TMEM163: variants seen among roughly 807,000 people sequenced by gnomAD.
TMEM163 encodes the protein transmembrane protein 163.
In TMEM163, 17 loss-of-function variants were observed where a neutral mutation model predicts 29.3. That is an observed-to-expected ratio of 0.58 (90% CI 0.40 to 0.87). The LOEUF is 0.87. Ranked by LOEUF, TMEM163 falls within the 40% of genes least tolerant of loss-of-function variation. The pLI is 0.00. For missense variants in TMEM163, 303 were observed against 381.5 expected (o/e 0.79, Z 1.71); for synonymous variants, 157 against 160.6 (o/e 0.98, Z 0.17).
At chr2:134,590,987 G>C (rs1681923699) in intron 2 of TMEM163, among the ~76,000 whole-genome samples, 1 of 152,186 alleles carries the variant, frequency 6.6e-6, no homozygotes, top group South Asian at 2.1e-4. Flanking sequence ...GCAATGGAAA[G>C]TTCCATTCCC....
intron 2 of TMEM163, among the ~76,000 whole-genome samples, chr2:134,695,951 T>A (rs887005791): frequency 6.0e-5 from 9 of 151,096 alleles, no homozygotes; most frequent in African/African-American, 2.2e-4. Flanking sequence ...ATCAGGAGGC[T>A]GAGGTAGGAG....
At chr2:134,558,367 T>C (rs764939719) in intron 2 of TMEM163, among the ~76,000 whole-genome samples, 3 of 152,132 alleles carry the variant, frequency 2.0e-5, no homozygotes, top group Non-Finnish European at 2.9e-5. Context: ...AAAGGGGTAA[T>C]AACAGCTACT....
chr2:134,588,643 G>C (rs944490189), intron 2 of TMEM163, among the ~76,000 whole-genome samples: 2 of 152,118 alleles, frequency 1.3e-5, no homozygotes, highest in Admixed American at 6.5e-5. Context: ...TCTATACAAA[G>C]AACAAATGCT....
intron 4 of TMEM163, among the ~76,000 whole-genome samples, chr2:134,550,051 T>C (rs1472684132): frequency 6.6e-6 from 1 of 152,170 alleles, no homozygotes; most frequent in East Asian, 1.9e-4. Flanking sequence ...GAGATGGAAG[T>C]TGGAAAAGAC....
chr2:134,575,530 G>C (rs1194052058), intron 2 of TMEM163, among the ~76,000 whole-genome samples: 2 of 152,134 alleles, frequency 1.3e-5, no homozygotes, highest in African/African-American at 4.8e-5. Context: ...ACACACACAG[G>C]GTTCTCATTG....
intron 5 of TMEM163, among the ~76,000 whole-genome samples, chr2:134,470,623 T>G (rs1488297162): frequency 6.6e-6 from 1 of 152,132 alleles, no homozygotes; most frequent in East Asian, 1.9e-4. Flanking sequence ...AGGCTGCAGC[T>G]CACCACTGCT....
chr2:134,508,659 G>C (rs968979881), intron 4 of TMEM163, among the ~76,000 whole-genome samples: 6 of 151,996 alleles, frequency 3.9e-5, no homozygotes, highest in African/African-American at 1.4e-4. Context: ...CCCTCAATCC[G>C]TCACTATCAA....
intron 4 of TMEM163, among the ~76,000 whole-genome samples, chr2:134,532,261 A>T (rs1447478438): frequency 6.6e-6 from 1 of 152,224 alleles, no homozygotes; most frequent in Non-Finnish European, 1.5e-5. Context: ...TGGATGCACC[A>T]CGAGTAAAGA....
intron 2 of TMEM163, among the ~76,000 whole-genome samples, chr2:134,625,295 A>C (rs1162995990): frequency 1.3e-5 from 2 of 152,242 alleles, no homozygotes; most frequent in African/African-American, 4.8e-5. Flanking sequence ...GCTCTGTTCT[A>C]AGAAGTCAAT....
intron 5 of TMEM163, among the ~76,000 whole-genome samples, chr2:134,498,015 G>A (rs1315681562): frequency 6.6e-6 from 1 of 152,206 alleles, no homozygotes; most frequent in Admixed American, 6.5e-5. Flanking sequence ...AGGCAGAAGA[G>A]CAGCAGCCTC....
intron 2 of TMEM163, among the ~76,000 whole-genome samples, chr2:134,569,625 T>G (rs914583865): frequency 6.6e-6 from 1 of 151,884 alleles, no homozygotes; most frequent in Non-Finnish European, 1.5e-5. Flanking sequence ...ACCAAGAAAA[T>G]AAGATCGTAT....
intron 5 of TMEM163, among the ~76,000 whole-genome samples, chr2:134,488,320 G>C (rs1020725865): frequency 3.9e-5 from 6 of 152,182 alleles, no homozygotes; most frequent in African/African-American, 1.4e-4. Flanking sequence ...AGTGGACTGG[G>C]AGCAGCAGAC....
In TMEM163 at chr2:134,657,492, T is replaced by C. The variant is rs541106226; in HGVS notation, c.322+55708A>G. 1.9e-4 allele frequency among the ~76,000 whole-genome samples: 29 copies of C among 152,168 alleles called. No individual in the cohort carries two copies. The East Asian group carries it at 5.6e-3, about 29-fold the overall frequency. On this transcript the variant is annotated intron_variant, in intron 2 of 7. Coordinates refer to ENST00000281924, the MANE Select transcript of TMEM163 (RefSeq NM_030923.5). ...TTATAAGTGGGAGCTAAACATTGAG[T>C]ACTTATGAACATAAAGATGGGAACA...
chr2:134,670,778 G>A (rs1683978051), intron 2 of TMEM163, among the ~76,000 whole-genome samples: 1 of 152,202 alleles, frequency 6.6e-6, no homozygotes, highest in Non-Finnish European at 1.5e-5. Context: ...GAGATCACCT[G>A]CTCCCCATTT....
intron 5 of TMEM163, chr2:134,468,111 A>C (rs1686709577): frequency 6.6e-6 from 1 of 152,212 alleles, no homozygotes; most frequent in Admixed American, 6.5e-5. Flanking sequence ...CACAGAAAAT[A>C]AGGTGAACAT....
intron 4 of TMEM163, among the ~76,000 whole-genome samples, chr2:134,544,283 TAC>T (rs1415717115): frequency 2.0e-5 from 3 of 152,184 alleles, no homozygotes; most frequent in Non-Finnish European, 4.4e-5. Context: ...AAGTTCCTCC[TAC>T]ACTTATTTCT....
intron 2 of TMEM163, among the ~76,000 whole-genome samples, chr2:134,590,265 C>A (rs537934030): frequency 6.6e-6 from 1 of 152,248 alleles, no homozygotes; most frequent in South Asian, 2.1e-4. Context: ...CAAAGCCAGT[C>A]GGTGGCCAAA....
chr2:134,484,682 A>G (rs138560431), intron 5 of TMEM163, among the ~76,000 whole-genome samples: 4 of 152,368 alleles, frequency 2.6e-5, no homozygotes, highest in Non-Finnish European at 5.9e-5. Flanking sequence ...TACAGAGCTC[A>G]GCTATGAATA....
intron 1 of TMEM163, among the ~76,000 whole-genome samples, chr2:134,716,603 G>A (rs569077065): frequency 3.0e-4 from 46 of 152,282 alleles, no homozygotes; most frequent in Admixed American, 2.5e-3. Context: ...GCAGGATGCA[G>A]AGACACACGG....
Sources: gnomAD v4.1 joint callset for allele counts (sites outside exome capture counted in the v4.1 genomes callset) on GRCh38, gnomAD v4.1.1 for gene constraint, MANE v1.5 for transcripts, NCBI Gene and HGNC (gene_info 2026-07-23, HGNC 2026-07-21) for gene names.